Variants in KCNJ3 observed in about 807,000 individuals in gnomAD.
KCNJ3 encodes the protein potassium inwardly rectifying channel subfamily J member 3.
A neutral mutation model predicts 39.2 loss-of-function variants in KCNJ3; 4 were observed. The observed-to-expected ratio is 0.10, with a 90% CI of 0.05 to 0.23. The LOEUF is 0.23. Ranked by LOEUF, KCNJ3 falls within the 10% of genes least tolerant of loss-of-function variation. The pLI, the probability that KCNJ3 is intolerant of heterozygous loss-of-function variation, is 1.00. For missense variants in KCNJ3, 276 were observed against 634.9 expected (o/e 0.43, Z 6.08); for synonymous variants, 230 against 237.4 (o/e 0.97, Z 0.29).
chr2:154,779,546 T>C (rs1686399577), intron 2 of KCNJ3, among the ~76,000 whole-genome samples: 1 of 147,218 alleles, frequency 6.8e-6, no homozygotes, highest in African/African-American at 2.5e-5. Context: ...TATATATATT[T>C]ATATATATAA....
intron 2 of KCNJ3, among the ~76,000 whole-genome samples, chr2:154,740,054 A>G (rs1685625659): frequency 6.6e-6 from 1 of 152,054 alleles, no homozygotes; most frequent in African/African-American, 2.4e-5. Context: ...GAAACAAAGT[A>G]AACATAAACT....
chr2:154,849,482 T>G (rs1687718652), intron 2 of KCNJ3, among the ~76,000 whole-genome samples: 1 of 152,122 alleles, frequency 6.6e-6, no homozygotes, highest in Admixed American at 6.6e-5. Flanking sequence ...TCTTTCCTCC[T>G]TCCCTTTCTT....
chr2:154,764,331 T>C (rs182806729), intron 2 of KCNJ3, among the ~76,000 whole-genome samples: 88 of 152,338 alleles, frequency 5.8e-4, no homozygotes, highest in Middle Eastern at 3.4e-3. Context: ...CAGAATCTCA[T>C]GGCTGCTTAG....
intron 2 of KCNJ3, among the ~76,000 whole-genome samples, chr2:154,750,590 A>G (rs1340080358): frequency 2.0e-5 from 3 of 152,024 alleles, no homozygotes; most frequent in Non-Finnish European, 4.4e-5. Context: ...CAAATAGAAA[A>G]ATACATAAGC....
chr2:154,699,617 G>C lies in KCNJ3; in HGVS notation c.702+140G>C. 7.8e-6 allele frequency: 10 copies of C among 1,286,584 alleles called. No homozygotes were observed. Among genetic ancestry groups the C allele is most frequent in the Non-Finnish European group, 1.0e-5 (10 of 961,210 alleles). The allele number at this position is 1,286,584 out of a possible 1,614,324, so 79.7% of individuals were successfully genotyped here. A position where few individuals can be genotyped will look rare whatever the true frequency, so the allele number is the denominator to read the frequency against. ...TAAACTTCCTTTTGGGGGGTTGGGG[G>C]TTGGAGGACTGGGCAAAGAATGCGG... On this transcript the variant is annotated intron_variant, in intron 1 of 2. Coordinates refer to ENST00000295101, the MANE Select transcript of KCNJ3 (RefSeq NM_002239.4). This position sits in a 1 kb window ranked among gnomAD's most constrained non-coding sequence, Gnocchi z 6.4.
chr2:154,704,975 A>G (rs1366084584), intron 1 of KCNJ3, among the ~76,000 whole-genome samples: 1 of 152,216 alleles, frequency 6.6e-6, no homozygotes, highest in African/African-American at 2.4e-5. Context: ...TCTCCGTCTT[A>G]GCCTCCTTTC....
intron 2 of KCNJ3, among the ~76,000 whole-genome samples, chr2:154,716,464 G>A (rs975489571): frequency 6.6e-6 from 1 of 151,594 alleles, no homozygotes; most frequent in Non-Finnish European, 1.5e-5. Context: ...TAGTGAGATT[G>A]AAATTATTGT....
intron 2 of KCNJ3, among the ~76,000 whole-genome samples, chr2:154,797,117 T>G (rs961702513): frequency 5.3e-5 from 8 of 152,200 alleles, no homozygotes; most frequent in African/African-American, 1.9e-4. Flanking sequence ...ATTGAGCGTT[T>G]ACTGAGAGAC....
chr2:154,718,178 T>C (rs1685212393), intron 2 of KCNJ3, among the ~76,000 whole-genome samples: 1 of 152,180 alleles, frequency 6.6e-6, no homozygotes. Context: ...AAATTTCTAT[T>C]GTTATATATT....
intron 2 of KCNJ3, among the ~76,000 whole-genome samples, chr2:154,783,769 T>C (rs1686480792): frequency 6.6e-6 from 1 of 152,194 alleles, no homozygotes; most frequent in African/African-American, 2.4e-5. Flanking sequence ...AGAGATGGTG[T>C]TTCTTCTCTA....
intron 2 of KCNJ3, among the ~76,000 whole-genome samples, chr2:154,837,873 C>T (rs1028540950): frequency 3.9e-5 from 6 of 152,166 alleles, no homozygotes; most frequent in African/African-American, 1.4e-4. Flanking sequence ...TGCTACTTGC[C>T]TTTCCAGAAT....
intron 2 of KCNJ3, among the ~76,000 whole-genome samples, chr2:154,850,030 TTTTTTTTTTTTTTTA>T (rs1687731312): frequency 7.6e-6 from 1 of 131,380 alleles, no homozygotes; most frequent in South Asian, 2.4e-4. Flanking sequence ...TTTTTTTTTT[TTTTTTTTTTTTTTTA>T]CAAAATGTTT....
At chr2:154,815,953 TG>T (rs1407682080) in intron 2 of KCNJ3, among the ~76,000 whole-genome samples, 2 of 152,294 alleles carry the variant, frequency 1.3e-5, no homozygotes, top group African/African-American at 4.8e-5. Context: ...TATAAATGTG[TG>T]TCCCACCATA....
At position 154,854,968 on chromosome 2, in the gene KCNJ3, A is replaced by C; in HGVS notation, c.1161A>C (p.Glu387Asp). 1.2e-6 allele frequency: 2 copies of C among 1,613,998 alleles called. No individual in the cohort carries two copies. The highest frequency in any genetic ancestry group is 1.7e-6 in the Non-Finnish European group (2 of 1,179,910). Residue 387 changes from glutamate (E) to aspartate (D), a missense_variant, in exon 3 of 3, where the codon GAA (glutamate) becomes GAC (aspartate). Coordinates refer to ENST00000295101, the MANE Select transcript of KCNJ3 (RefSeq NM_002239.4). Reference sequence around the variant, plus strand: ...GCAAAGAAAGACATAATTCTGTGGAATGCTTAGATGGACTAGATGATATTA... The same window carrying C: ...GCAAAGAAAGACATAATTCTGTGGACTGCTTAGATGGACTAGATGATATTA... ...TNSKERHNSV[E>D]CLDGLDDITT...
chr2:154,756,790 G>A (rs1265345390), intron 2 of KCNJ3, among the ~76,000 whole-genome samples: 13 of 151,984 alleles, frequency 8.6e-5, no homozygotes, highest in Non-Finnish European at 5.9e-5. Context: ...TAAAAATTTT[G>A]TGTCATATAA....
chr2:154,773,023 T>TA (rs1686269029), intron 2 of KCNJ3, among the ~76,000 whole-genome samples: 1 of 152,036 alleles, frequency 6.6e-6, no homozygotes, highest in Admixed American at 6.6e-5. Flanking sequence ...CATGAATCCT[T>TA]AAAAAGCAGG....
intron 2 of KCNJ3, among the ~76,000 whole-genome samples, chr2:154,735,168 G>A (rs1438029299): frequency 2.0e-5 from 3 of 151,862 alleles, no homozygotes; most frequent in African/African-American, 4.8e-5. Context: ...CTCACTGCAA[G>A]CTCCGCCTCC....
At chr2:154,733,910 T>C (rs1486525997) in intron 2 of KCNJ3, among the ~76,000 whole-genome samples, 3 of 152,214 alleles carry the variant, frequency 2.0e-5, no homozygotes, top group East Asian at 3.9e-4. Flanking sequence ...TTTGTTGGTG[T>C]TGGGGTTTGG....
chr2:154,838,506 T>C (rs897015664), intron 2 of KCNJ3, among the ~76,000 whole-genome samples: 8 of 152,284 alleles, frequency 5.3e-5, no homozygotes, highest in Non-Finnish European at 1.2e-4. Context: ...GAGAATTATA[T>C]GATAATACAC....
Sources: gnomAD v4.1 joint callset for allele counts (sites outside exome capture counted in the v4.1 genomes callset) on GRCh38, gnomAD v4.1.1 for gene constraint, Gnocchi (gnomAD v3.1) non-coding constraint, MANE v1.5 for transcripts, NCBI Gene and HGNC (gene_info 2026-07-23, HGNC 2026-07-21) for gene names.